Variants in RAB28 observed in about 807,000 individuals in gnomAD.
The protein encoded by RAB28 is RAB28, member RAS oncogene family, also known as ras-related protein Rab-28.
RAB28 carries 24 observed loss-of-function variants against 31.7 expected under a neutral mutation model. That is an observed-to-expected ratio of 0.76 (90% CI 0.55 to 1.06). The LOEUF (loss-of-function observed/expected upper bound fraction) is 1.06. Ranked by LOEUF, RAB28 falls within the 50% of genes least tolerant of loss-of-function variation. The pLI, the probability that RAB28 is intolerant of heterozygous loss-of-function variation, is 0.00. For synonymous variants in RAB28, 100 were observed against 90.4 expected (o/e 1.11, Z -0.60); for missense variants, 254 against 258.5 (o/e 0.98, Z 0.12).
chr4:13,435,373 A>C (rs1278848185), intron 4 of RAB28, among the ~76,000 whole-genome samples: 1 of 152,128 alleles, frequency 6.6e-6, no homozygotes, highest in African/African-American at 2.4e-5. Context: ...GAAATAACTA[A>C]GATCAGAGCA....
intron 4 of RAB28, among the ~76,000 whole-genome samples, chr4:13,425,875 A>G (rs527827510): frequency 1.1e-4 from 16 of 152,300 alleles, no homozygotes; most frequent in African/African-American, 3.6e-4. Flanking sequence ...AACTGCATCA[A>G]TTCTAAACAA....
rs536378413 is a variant in RAB28 at position 13,386,100 on chromosome 4, T to C, written c.392-4506A>G. 3.9e-5 allele frequency among the ~76,000 whole-genome samples: 6 copies of C among 152,020 alleles called. No individual in the cohort carries two copies. In the East Asian group the frequency reaches 1.2e-3, roughly 29 times the overall value. The stretch of plus-strand genomic sequence containing the variant: ...ATAACCTGCAGAATGGGAGAAAATA[T>C]TTACAAACTCTGATAAAATATTAAT... On this transcript the variant is annotated intron_variant, in intron 4 of 6. Coordinates refer to ENST00000330852, the MANE Select transcript of RAB28 (RefSeq NM_001017979.3).
rs540552655 is a variant in RAB28, at chr4:13,443,158, A to C, written c.391+17541T>G. 4.7e-4 allele frequency among the ~76,000 whole-genome samples: 71 copies of C among 152,184 alleles called. 1 individual carries two copies. Among genetic ancestry groups the C allele is most frequent in the Non-Finnish European group, 8.1e-4 (55 of 67,994 alleles). On this transcript the variant is annotated intron_variant, in intron 4 of 6. Coordinates refer to ENST00000330852, the MANE Select transcript of RAB28 (RefSeq NM_001017979.3). ...AAAAAATAAAAATCTTAAAACAACAACTATGTGTGTAATATAAATGGTTTT... is the reference window on the plus strand; with the variant it reads ...AAAAAATAAAAATCTTAAAACAACACCTATGTGTGTAATATAAATGGTTTT...
chr4:13,422,441 A>T (rs1207722406), intron 4 of RAB28, among the ~76,000 whole-genome samples: 1 of 152,208 alleles, frequency 6.6e-6, no homozygotes, highest in African/African-American at 2.4e-5. Flanking sequence ...ATAAAGACAC[A>T]TGCACACCTA....
chr4:13,413,161 T>C (rs1712543862), intron 4 of RAB28, among the ~76,000 whole-genome samples: 1 of 152,192 alleles, frequency 6.6e-6, no homozygotes. Context: ...GTATATGTTA[T>C]CCATCAATCT....
intron 4 of RAB28, among the ~76,000 whole-genome samples, chr4:13,397,775 T>C (rs1711516255): frequency 6.6e-6 from 1 of 152,204 alleles, no homozygotes; most frequent in South Asian, 2.1e-4. Flanking sequence ...CTCTGCCAGA[T>C]ATTCATTTGT....
intron 4 of RAB28, among the ~76,000 whole-genome samples, chr4:13,423,441 C>A (rs182257610): frequency 2.7e-5 from 4 of 149,146 alleles, no homozygotes; most frequent in African/African-American, 7.4e-5. Flanking sequence ...GGAGGCTGCA[C>A]GCCATTTCAC....
Position 13,463,234 on chromosome 4 carries a change from A to T in RAB28, c.262-2406T>A, listed in dbSNP as rs558724314. 3.3e-5 allele frequency among the ~76,000 whole-genome samples: 5 copies of T among 152,288 alleles called. No individual in the cohort carries two copies. The South Asian group carries it at 1.0e-3, about 32-fold the overall frequency. On this transcript the variant is annotated intron_variant, in intron 3 of 6. Coordinates refer to ENST00000330852, the MANE Select transcript of RAB28 (RefSeq NM_001017979.3). ...CTTTTTGAACCCTTCTGATTAATAT[A>T]TGAAAACCTTTATCCCAACATGGGA...
At chr4:13,369,708 A>G (rs1381694983) in intron 6 of RAB28, among the ~76,000 whole-genome samples, 1 of 152,080 alleles carries the variant, frequency 6.6e-6, no homozygotes, top group Non-Finnish European at 1.5e-5. Context: ...CTGGCAGAGG[A>G]CCAATTTTTT....
chr4:13,393,051 C>T (rs1729716525), intron 4 of RAB28, among the ~76,000 whole-genome samples: 1 of 152,132 alleles, frequency 6.6e-6, no homozygotes, highest in African/African-American at 2.4e-5. Flanking sequence ...CATTTATTTA[C>T]TCACCAACAA....
At chr4:13,401,842 C>T (rs1711783230) in intron 4 of RAB28, among the ~76,000 whole-genome samples, 1 of 152,026 alleles carries the variant, frequency 6.6e-6, no homozygotes, top group Non-Finnish European at 1.5e-5. Context: ...TTTCGATATT[C>T]TTAAGGTGGA....
At chr4:13,371,876 A>C (rs1471558214) in intron 6 of RAB28, 2 of 1,531,716 alleles carry the variant, frequency 1.3e-6, no homozygotes, top group African/African-American at 2.8e-5. Flanking sequence ...CCCTAAGAGG[A>C]AAAGAGTTAT....
chr4:13,460,337 A>T (rs1299669791), intron 4 of RAB28, among the ~76,000 whole-genome samples: 1 of 152,128 alleles, frequency 6.6e-6, no homozygotes, highest in Non-Finnish European at 1.5e-5. Flanking sequence ...CATGGCAGAG[A>T]GAATTATCTC....
At chr4:13,456,242 A>G (rs1441050508) in intron 4 of RAB28, among the ~76,000 whole-genome samples, 1 of 152,224 alleles carries the variant, frequency 6.6e-6, no homozygotes, top group East Asian at 1.9e-4. Context: ...GAGAACAGAA[A>G]TAAGATGGTA....
intron 4 of RAB28, among the ~76,000 whole-genome samples, chr4:13,435,276 G>C (rs968340843): frequency 6.6e-6 from 1 of 151,840 alleles, no homozygotes; most frequent in Non-Finnish European, 1.5e-5. Context: ...CAAGAAGACA[G>C]ATATCTCTCA....
chr4:13,434,473 C>T (rs1197387366), intron 4 of RAB28, among the ~76,000 whole-genome samples: 1 of 152,058 alleles, frequency 6.6e-6, no homozygotes, highest in Non-Finnish European at 1.5e-5. Flanking sequence ...AACTATACAA[C>T]AGTAGTGAAG....
At chr4:13,376,185 T>C (rs1235198518) in intron 6 of RAB28, among the ~76,000 whole-genome samples, 1 of 152,070 alleles carries the variant, frequency 6.6e-6, no homozygotes, top group African/African-American at 2.4e-5. Context: ...AAAACTAATA[T>C]CACTACAGTC....
intron 3 of RAB28, 44 bp from the exon 4 acceptor site, chr4:13,460,872 T>A (rs767846550): frequency 1.3e-6 from 2 of 1,567,586 alleles, no homozygotes; most frequent in Non-Finnish European, 1.7e-6. Flanking sequence ...TATTATTTGG[T>A]GAAAAAATCT....
chr4:13,470,740 C>T (rs1485761170), intron 3 of RAB28, among the ~76,000 whole-genome samples: 1 of 152,046 alleles, frequency 6.6e-6, no homozygotes, highest in African/African-American at 2.4e-5. Flanking sequence ...TCTAAAGACT[C>T]CTAGAAATTT....
Sources: allele counts gnomAD v4.1 joint callset (sites outside exome capture counted in the v4.1 genomes callset), GRCh38; gene constraint gnomAD v4.1.1; transcripts MANE v1.5; gene names NCBI Gene and HGNC (gene_info 2026-07-23, HGNC 2026-07-21).